The following NFATC3 variants were observed in gnomAD, a reference collection of about 807,000 sequenced individuals.
NFATC3 encodes nuclear factor of activated T-cells, cytoplasmic 3.
NFATC3 carries 46 observed loss-of-function variants against 98.6 expected under a neutral mutation model. The ratio of observed to expected loss-of-function variants is 0.47; its 90% CI spans 0.37 to 0.60. NFATC3 has a LOEUF of 0.60. NFATC3 is among the 20% of genes least tolerant of loss of function. The probability of loss-of-function intolerance (pLI) is 0.00; values close to 1 mark genes in which losing one functional copy is unlikely to be tolerated. For missense variants in NFATC3, 1,256 were observed against 1,295.5 expected (o/e 0.97, Z 0.47); for synonymous variants, 512 against 472.2 (o/e 1.08, Z -1.09).
chr16:68,088,512 TA>T (rs2034524640), intron 1 of NFATC3, among the ~76,000 whole-genome samples: 1 of 144,458 alleles, frequency 6.9e-6, no homozygotes, highest in African/African-American at 2.5e-5. Flanking sequence ...ATATTATATA[TA>T]ATGTTTATTA....
chr16:68,122,786 C>G lies in NFATC3; in HGVS notation c.903C>G (p.Pro301=), dbSNP rs2036627465. 6.2e-7 allele frequency: 1 copy of G among 1,614,246 alleles called. No individual in the cohort carries two copies. Among genetic ancestry groups the G allele is most frequent in the African/African-American group, 1.3e-5 (1 of 75,062 alleles). ...CTGTTCCTTCACCTGGTCACTCCCC[C>G]AGGGGAAGTGTGACAGAAGATACGT... ...HSPVPSPGHS[P]RGSVTEDTWL... The change falls in exon 2 of 10, where the codon CCC becomes CCG. Residue 301 remains proline (P), a synonymous_variant. Transcript: ENST00000346183.
In NFATC3 at chr16:68,085,439, G is replaced by A. The variant is rs866522555; in HGVS notation, c.-243G>A. On this transcript the variant is annotated 5_prime_UTR_variant, in exon 1 of 10. Transcript: ENST00000346183. ...GGGGGCGGCGGGGAACATTGGCTAA[G>A]CCGACAGTGGAGGCTTAGGCACCGG... is the stretch of plus-strand genomic sequence containing the variant. 1.1e-5 allele frequency: 4 copies of A among 365,318 alleles called. No individual in the cohort carries two copies. Among genetic ancestry groups the A allele is most frequent in the African/African-American group, 6.5e-5 (3 of 46,140 alleles). 22.6% of individuals were successfully genotyped at this position (365,318 alleles called of 1,614,324 possible).
At chr16:68,161,727 T>C (rs1184811482) in intron 4 of NFATC3, among the ~76,000 whole-genome samples, 1 of 152,242 alleles carries the variant, frequency 6.6e-6, no homozygotes, top group African/African-American at 2.4e-5. Context: ...CCTAGTGTTT[T>C]AAAATTTTTT....
chr16:68,166,965 C>T lies in NFATC3; in HGVS notation c.1724C>T (p.Pro575Leu). 6.2e-7 allele frequency: 1 copy of T among 1,614,076 alleles called. No homozygotes were observed. Among genetic ancestry groups the T allele is most frequent in the Non-Finnish European group, 8.5e-7 (1 of 1,179,982 alleles). ...GTGTTTCGTGTACACATCCCACAGCCCAGTGGAAAAGTCCTTTCTCTGCAG... is the reference window on the plus strand; with the variant it reads ...GTGTTTCGTGTACACATCCCACAGCTCAGTGGAAAAGTCCTTTCTCTGCAG... ...RLVFRVHIPQ[P>L]SGKVLSLQIA... The change falls in exon 5 of 10, where the codon CCC (proline) becomes CTC (leucine). Residue 575 changes from proline to leucine, a missense_variant. Physicochemically the swap from Pro to Leu is moderately conservative, Grantham distance 98. Transcript: ENST00000346183.
intron 9 of NFATC3, among the ~76,000 whole-genome samples, chr16:68,204,671 C>T (rs1008446875): frequency 4.6e-5 from 7 of 152,090 alleles, no homozygotes; most frequent in East Asian, 1.9e-4. Flanking sequence ...ATCTCGCTTT[C>T]GTAAAGACAA....
At chr16:68,197,918 G>A (rs2040742820) in intron 9 of NFATC3, among the ~76,000 whole-genome samples, 1 of 152,132 alleles carries the variant, frequency 6.6e-6, no homozygotes, top group Non-Finnish European at 1.5e-5. Context: ...CATCATTCAT[G>A]TATTAGTTGA....
chr16:68,182,350 G>A (rs1875753065), intron 7 of NFATC3, among the ~76,000 whole-genome samples: 1 of 152,076 alleles, frequency 6.6e-6, no homozygotes, highest in South Asian at 2.1e-4. Context: ...TCTGGGCTAG[G>A]GAATACCACT....
chr16:68,123,476 C>T (rs1023342946), intron 2 of NFATC3, among the ~76,000 whole-genome samples: 1 of 122,492 alleles, frequency 8.2e-6, no homozygotes, highest in Non-Finnish European at 1.7e-5. Context: ...GCCTGGGCAA[C>T]ATAGCAAGAT....
At chr16:68,112,645 C>CTTTTTTTTTTTTTTTT (rs1567503218) in intron 1 of NFATC3, among the ~76,000 whole-genome samples, 6 of 119,236 alleles carry the variant, frequency 5.0e-5, no homozygotes, top group Non-Finnish European at 6.9e-5. Context: ...TTTTCTTTTT[C>CTTTTTTTTTTTTTTTT]GTTTTTTTTT....
chr16:68,208,964 T>C (rs541620511), intron 9 of NFATC3, among the ~76,000 whole-genome samples: 1 of 152,310 alleles, frequency 6.6e-6, no homozygotes, highest in South Asian at 2.1e-4. Flanking sequence ...TTAATTTGGA[T>C]GGGCTTTATG....
chr16:68,091,429 A>AT (rs1470238854), intron 1 of NFATC3, among the ~76,000 whole-genome samples: 1 of 152,126 alleles, frequency 6.6e-6, no homozygotes, highest in African/African-American at 2.4e-5. Flanking sequence ...CTCTATATTT[A>AT]TTTTTTAAAT....
intron 9 of NFATC3, chr16:68,212,547 G>A (rs2151161454): frequency 6.6e-6 from 1 of 152,146 alleles, no homozygotes; most frequent in South Asian, 2.1e-4. Context: ...TTTGACTCTT[G>A]GGGCATCTGA....
Position 68,191,171 on chromosome 16 carries a change from G to A in NFATC3, c.2502G>A (p.Gln834=). 1.9e-6 allele frequency: 3 copies of A among 1,614,150 alleles called. No individual in the cohort carries two copies. The highest frequency in any genetic ancestry group is 2.5e-6 in the Non-Finnish European group (3 of 1,180,038). ...AATTTGATTCAGTTTTGTTTCAGCA[G>A]GATGCAACTCTTTCTGGTTTAGTGA... ...SQEFDSVLFQ[Q]DATLSGLVNL... The change falls in exon 9 of 10, where the codon CAG becomes CAA. Residue 834 remains glutamine (Q), a synonymous_variant. Coordinates refer to ENST00000346183, the MANE Select transcript of NFATC3 (RefSeq NM_173165.3).
intron 1 of NFATC3, among the ~76,000 whole-genome samples, chr16:68,105,463 G>T (rs2035606099): frequency 6.6e-6 from 1 of 151,970 alleles, no homozygotes; most frequent in Non-Finnish European, 1.5e-5. Context: ...AACCACCCTT[G>T]CATTCCTGGG....
intron 9 of NFATC3, among the ~76,000 whole-genome samples, chr16:68,218,568 G>A (rs2041726443): frequency 7.0e-6 from 1 of 141,900 alleles, no homozygotes; most frequent in African/African-American, 2.7e-5. Flanking sequence ...ATTTAGTTTA[G>A]ATGGTGCTTT....
At chr16:68,164,384 A>AGAGAGGGAGAGGGAGACCGTGGGGAGAGG in intron 4 of NFATC3, among the ~76,000 whole-genome samples, 1 of 151,872 alleles carries the variant, frequency 6.6e-6, no homozygotes, top group Non-Finnish European at 1.5e-5. Context: ...GACCGTGGAA[A>AGAGAGGGAGAGGGAGACCGTGGGGAGAGG]GAGAGGGAGA....
chr16:68,174,519 G>A lies in NFATC3; in HGVS notation c.1915+5G>A. On this transcript the variant is annotated splice_donor_5th_base_variant and intron_variant, in intron 6 of 9. Coordinates refer to ENST00000346183, the MANE Select transcript of NFATC3 (RefSeq NM_173165.3). ...TTTTTCTTGAAAAAGGACAAGGTAA[G>A]TAATATATGAGTTGATTGACTTCAA... 6.3e-7 allele frequency: 1 copy of A among 1,585,426 alleles called. No homozygotes were observed. The highest frequency in any genetic ancestry group is 8.6e-7 in the Non-Finnish European group (1 of 1,167,824).
intron 8 of NFATC3, among the ~76,000 whole-genome samples, chr16:68,184,370 T>G (rs972253488): frequency 1.3e-5 from 2 of 152,218 alleles, no homozygotes; most frequent in African/African-American, 2.4e-5. Flanking sequence ...AGTTTGTAGA[T>G]TTAGTAATGG....
chr16:68,200,365 A>G (rs1446316594), intron 9 of NFATC3: 1 of 152,080 alleles, frequency 6.6e-6, no homozygotes, highest in East Asian at 1.9e-4. Context: ...TTAGTGAGTC[A>G]TAATTATGCA....
Sources: allele counts gnomAD v4.1 joint callset (sites outside exome capture counted in the v4.1 genomes callset), GRCh38; gene constraint gnomAD v4.1.1; transcripts MANE v1.5; gene names NCBI Gene and HGNC (gene_info 2026-07-23, HGNC 2026-07-21).